Variants in TASP1 observed in about 807,000 individuals in gnomAD.
TASP1 encodes the protein taspase 1.
Under a neutral mutation model 56.6 loss-of-function variants are expected in TASP1, and 16 were observed. That is an observed-to-expected ratio of 0.28 (90% CI 0.19 to 0.43). The LOEUF (loss-of-function observed/expected upper bound fraction) is 0.43. TASP1 is among the 20% of genes least tolerant of loss of function. The pLI is 1.00. For missense variants in TASP1, 393 were observed against 511.6 expected (o/e 0.77, Z 2.24); for synonymous variants, 179 against 184.2 (o/e 0.97, Z 0.23).
At chr20:13,433,500 G>A (rs1240475105) in intron 12 of TASP1, among the ~76,000 whole-genome samples, 1 of 144,958 alleles carries the variant, frequency 6.9e-6, no homozygotes, top group African/African-American at 2.7e-5. Flanking sequence ...ATGTGCAGAG[G>A]GTAGAAGGAG....
rs2046664015 is a variant in TASP1 at position 13,570,180 on chromosome 20, A to C, written c.489-594T>G. Among the ~76,000 whole-genome samples, 5 of 152,138 alleles carry C rather than the reference A, an allele frequency of 3.3e-5. No homozygotes were observed. In the South Asian group the frequency reaches 1.0e-3, roughly 31 times the overall value. ...CCTAAATAGCAAGTTTTAATATAAC[A>C]AAGTGGATAAAAGGATATTGCTAGC... On this transcript the variant is annotated intron_variant, in intron 6 of 13. Transcript: ENST00000337743.
chr20:13,116,228 C>T, the TASP1 span, among the ~76,000 whole-genome samples: 1 of 152,140 alleles, frequency 6.6e-6, no homozygotes, highest in African/African-American at 2.4e-5. Context: ...TTTTTTAATA[C>T]ATTAAATTTA....
intron 1 of TASP1, among the ~76,000 whole-genome samples, 177 bp from the exon 2 acceptor site, chr20:13,630,329 T>C (rs1448878099): frequency 2.0e-5 from 3 of 152,110 alleles, no homozygotes; most frequent in African/African-American, 7.2e-5. Flanking sequence ...CCCATTGAAG[T>C]CGGATAAAAT....
intron 1 of TASP1, among the ~76,000 whole-genome samples, chr20:13,633,815 G>A (rs1367901566): frequency 2.7e-5 from 4 of 150,374 alleles, no homozygotes; most frequent in Non-Finnish European, 3.0e-5. Context: ...ACATAGGCAC[G>A]TAACAGGTTT....
chr20:13,233,553 C>T, the TASP1 span, among the ~76,000 whole-genome samples: 1 of 144,774 alleles, frequency 6.9e-6, no homozygotes, highest in Admixed American at 7.2e-5. Flanking sequence ...CAAGACTGTG[C>T]TATTGCATTC....
At chr20:13,530,640 AG>A (rs2045186078) in intron 9 of TASP1, among the ~76,000 whole-genome samples, 1 of 152,318 alleles carries the variant, frequency 6.6e-6, no homozygotes, top group South Asian at 2.1e-4. Context: ...TTATAAAGCC[AG>A]GGGAGGTCAT....
At chr20:13,250,531 T>C in the TASP1 span, among the ~76,000 whole-genome samples, 10 of 152,160 alleles carry the variant, frequency 6.6e-5, no homozygotes, top group African/African-American at 2.4e-4. Context: ...CTTCCAAAAC[T>C]TGCTGCACAT....
chr20:13,314,089 A>C, the TASP1 span, among the ~76,000 whole-genome samples: 1 of 152,192 alleles, frequency 6.6e-6, no homozygotes, highest in Non-Finnish European at 1.5e-5. Flanking sequence ...TGAAAAGCAA[A>C]GAGAAAAAAA....
At chr20:13,536,018 T>C (rs2045404282) in intron 8 of TASP1, among the ~76,000 whole-genome samples, 1 of 152,218 alleles carries the variant, frequency 6.6e-6, no homozygotes. Context: ...TTAAGAGGAA[T>C]ATTTGTTTTA....
chr20:13,417,556 G>T (rs2042299169), intron 12 of TASP1, 35 bp from the exon 13 acceptor site: 1 of 1,606,508 alleles, frequency 6.2e-7, no homozygotes, highest in East Asian at 2.2e-5. Context: ...GGCACATTCA[G>T]ATCACAGATG....
At chr20:13,116,643 C>A in the TASP1 span, among the ~76,000 whole-genome samples, 79 of 152,160 alleles carry the variant, frequency 5.2e-4, no homozygotes, top group African/African-American at 1.7e-3. Flanking sequence ...TGTATCTGTC[C>A]CAGATCACAG....
chr20:13,491,554 T>C (rs1410145498), intron 10 of TASP1, among the ~76,000 whole-genome samples: 2 of 152,214 alleles, frequency 1.3e-5, no homozygotes, highest in Admixed American at 6.5e-5. Flanking sequence ...TAATTGTTTT[T>C]AACTTCAGCT....
At chr20:13,292,982 G>C in the TASP1 span, among the ~76,000 whole-genome samples, 1 of 151,846 alleles carries the variant, frequency 6.6e-6, no homozygotes. Flanking sequence ...AGATCACGAG[G>C]TCAGGAGATC....
chr20:13,415,682 T>C (rs895570913), intron 13 of TASP1, among the ~76,000 whole-genome samples: 6 of 151,516 alleles, frequency 4.0e-5, no homozygotes, highest in Non-Finnish European at 8.8e-5. Context: ...TTCGGGCTCA[T>C]AGCAGGACTC....
At chr20:13,241,849 C>T in the TASP1 span, among the ~76,000 whole-genome samples, 7 of 152,072 alleles carry the variant, frequency 4.6e-5, no homozygotes, top group Non-Finnish European at 1.5e-5. Context: ...TGCTTGGCTA[C>T]TAACCTACAG....
chr20:13,232,459 C>T, the TASP1 span, among the ~76,000 whole-genome samples: 11 of 152,180 alleles, frequency 7.2e-5, no homozygotes, highest in African/African-American at 2.7e-4. Context: ...TCATGTTGTT[C>T]TGTGCATAGA....
chr20:13,563,939 A>G (rs1010825972), intron 7 of TASP1, among the ~76,000 whole-genome samples: 3 of 152,210 alleles, frequency 2.0e-5, no homozygotes, highest in Admixed American at 1.3e-4. Flanking sequence ...AACTAACATC[A>G]TATCTATGGT....
chr20:13,615,251 T>C (rs2048480392), intron 4 of TASP1, among the ~76,000 whole-genome samples: 1 of 152,120 alleles, frequency 6.6e-6, no homozygotes, highest in South Asian at 2.1e-4. Flanking sequence ...TGTGTTACAG[T>C]ACATGTGTGT....
the TASP1 span, among the ~76,000 whole-genome samples, chr20:13,120,711 C>T: frequency 6.6e-6 from 1 of 152,194 alleles, no homozygotes; most frequent in Non-Finnish European, 1.5e-5. Flanking sequence ...GACGATACTA[C>T]TAGAGGAAAC....
Sources: gnomAD v4.1 joint callset for allele counts (sites outside exome capture counted in the v4.1 genomes callset) on GRCh38, gnomAD v4.1.1 for gene constraint, MANE v1.5 for transcripts, NCBI Gene and HGNC (gene_info 2026-07-23, HGNC 2026-07-21) for gene names.